Variants in RC3H2 observed in about 807,000 individuals in gnomAD.
RC3H2 encodes the protein ring finger and CCCH-type domains 2.
In RC3H2, 31 loss-of-function variants were observed where a neutral mutation model predicts 133.3. The ratio of observed to expected loss-of-function variants is 0.23; its 90% CI spans 0.17 to 0.31. The LOEUF (loss-of-function observed/expected upper bound fraction) is 0.31, where lower values mean the gene tolerates loss of function less well. Ranked by LOEUF, RC3H2 falls within the 10% of genes least tolerant of loss-of-function variation. The probability of loss-of-function intolerance (pLI) is 1.00; values close to 1 mark genes in which losing one functional copy is unlikely to be tolerated. For missense variants in RC3H2, 1,175 were observed against 1,437.2 expected, an observed-to-expected ratio of 0.82 and a Z score of 2.95; for synonymous variants, 517 against 502.2, an observed-to-expected ratio of 1.03 and a Z score of -0.40.
At chr9:122,889,604 AC>A (rs2131484001) in intron 4 of RC3H2, among the ~76,000 whole-genome samples, 1 of 152,330 alleles carries the variant, frequency 6.6e-6, no homozygotes, top group Non-Finnish European at 1.5e-5. Context: ...AACATAGATA[AC>A]ACTAATCATA....
intron 9 of RC3H2, among the ~76,000 whole-genome samples, chr9:122,867,505 G>A (rs1328852313): frequency 7.2e-6 from 1 of 138,596 alleles, no homozygotes; most frequent in Admixed American, 7.0e-5. Context: ...GGGATGTGAG[G>A]GGCGCCTCTG....
At chr9:122,869,812 C>T (rs1343901855) in intron 9 of RC3H2, among the ~76,000 whole-genome samples, 1 of 151,950 alleles carries the variant, frequency 6.6e-6, no homozygotes, top group East Asian at 1.9e-4. Flanking sequence ...TCAAGTGATC[C>T]GCCTGCCTTG....
In RC3H2 at chr9:122,870,056, G is replaced by A. The variant is rs114586646; in HGVS notation, c.1326-4399C>T. ...CCTCAGAGTTCCTATACAGAATATC[G>A]TGTCTCCTTGCTTTCCATCCTCAAA... On this transcript the variant is annotated intron_variant, in intron 9 of 20. Transcript: ENST00000357244. 9.0e-3 allele frequency among the ~76,000 whole-genome samples: 1,373 copies of A among 152,004 alleles called. 23 individuals carry two copies. The highest frequency in any genetic ancestry group is 0.032 in the African/African-American group (1,311 of 41,416).
intron 9 of RC3H2, chr9:122,875,224 G>C (rs1831281274): frequency 1.3e-6 from 2 of 1,551,172 alleles, no homozygotes; most frequent in Non-Finnish European, 1.7e-6. Context: ...GAGAAGAGAA[G>C]CATGTTTCTG....
chr9:122,853,239 CGCTGCGG>C (rs1374260140), intron 18 of RC3H2, among the ~76,000 whole-genome samples: 1 of 151,468 alleles, frequency 6.6e-6, no homozygotes, highest in East Asian at 1.9e-4. Context: ...GGGACACAAA[CGCTGCGG>C]AAGGCCGCAG....
chr9:122,850,186 G>A (rs1212189760), intron 20 of RC3H2, among the ~76,000 whole-genome samples: 1 of 152,048 alleles, frequency 6.6e-6, no homozygotes. Flanking sequence ...TGTTGGCCAG[G>A]CTGGTCTAGA....
chr9:122,897,265 T>A lies in RC3H2; in HGVS notation c.231+14A>T, dbSNP rs771987822. 1 of 1,613,056 alleles carries A rather than the reference T, an allele frequency of 6.2e-7. No individual in the cohort carries two copies. The highest frequency in any genetic ancestry group is 1.1e-5 in the South Asian group (1 of 91,006). The stretch of plus-strand genomic sequence containing the variant: ...ATTTTTGCACCAACCTATAGTAAAA[T>A]CTTGAATGCTTACCTGGGCTCCAAC... On this transcript the variant is annotated intron_variant, in intron 2 of 20. Coordinates refer to ENST00000357244, the MANE Select transcript of RC3H2 (RefSeq NM_001100588.3).
intron 9 of RC3H2, among the ~76,000 whole-genome samples, chr9:122,867,160 C>T (rs1378357273): frequency 3.1e-5 from 4 of 128,104 alleles, no homozygotes; most frequent in Non-Finnish European, 5.1e-5. Flanking sequence ...GGAGCCCCTC[C>T]GCCCGGCAGC....
rs749412338 is a variant in RC3H2, at chr9:122,854,217, T to C, written c.2950A>G (p.Thr984Ala). ...AGTTCAAGGCTCAAAAGGTCCCCAG[T>C]ACTGGAATGCTTTCTATGACCAGAT... ...DLSGHRKHSS[T>A]GDLLSLELQQ... Residue 984 changes from threonine to alanine, a missense_variant, in exon 17 of 21, where the codon ACT becomes GCT. Physicochemically the swap from Thr to Ala is moderately conservative, Grantham distance 58. Coordinates refer to ENST00000357244, the MANE Select transcript of RC3H2 (RefSeq NM_001100588.3). The C allele has an allele frequency of 5.0e-6, 8 of 1,613,968 alleles. No individual in the cohort carries two copies. In the Admixed American group the frequency reaches 5.0e-5, roughly 10 times the overall value.
intron 5 of RC3H2, 104 bp downstream of exon 5, chr9:122,883,100 G>T: frequency 9.4e-7 from 1 of 1,063,210 alleles, no homozygotes; most frequent in Non-Finnish European, 1.4e-6. Context: ...CTCAACTCTT[G>T]TAAGCATTCT....
In RC3H2 at chr9:122,853,007, A is replaced by G. The variant is rs561929413; in HGVS notation, c.3117+945T>C. ...CGTGTCTGTGTAGAAAGAAGTAGAC[A>G]TGGGAGACTTTTCATTTTGTTCTGT... On this transcript the variant is annotated intron_variant, in intron 18 of 20. Transcript: ENST00000357244. Among the ~76,000 whole-genome samples the G allele has an allele frequency of 2.2e-3, 342 of 152,290 alleles. 1 individual carries two copies. Among genetic ancestry groups the G allele is most frequent in the African/African-American group, 7.7e-3 (322 of 41,564 alleles).
chr9:122,868,580 A>G (rs1830862630), intron 9 of RC3H2, among the ~76,000 whole-genome samples: 2 of 151,674 alleles, frequency 1.3e-5, no homozygotes, highest in South Asian at 2.1e-4. Flanking sequence ...CCCTAATCTC[A>G]AGTACCCAGG....
rs1332275265 is a variant in RC3H2, at chr9:122,859,037, A to C, written c.1915T>G (p.Ser639Ala). 6.2e-7 allele frequency: 1 copy of C among 1,611,596 alleles called. No individual in the cohort carries two copies. The highest frequency in any genetic ancestry group is 8.5e-7 in the Non-Finnish European group (1 of 1,178,178). The change falls in exon 12 of 21, where the codon TCC (serine) becomes GCC (alanine). Residue 639 changes from serine to alanine, a missense_variant. Transcript: ENST00000357244. ...AGGGAGGACTCTGGAACGTTATTGG[A>C]CCTCACAAAGCGAGGAACACAGGGA... The part of the protein sequence containing the change: ...VAPCVPRFVR[S>A]NNVPESSLPP...
At chr9:122,894,678 G>A (rs1475482585) in intron 2 of RC3H2, among the ~76,000 whole-genome samples, 2 of 152,104 alleles carry the variant, frequency 1.3e-5, no homozygotes, top group African/African-American at 2.4e-5. Flanking sequence ...TCAGGAGTTC[G>A]AGACCAGCCT....
intron 4 of RC3H2, among the ~76,000 whole-genome samples, chr9:122,888,592 C>T (rs1288417459): frequency 6.6e-6 from 1 of 152,138 alleles, no homozygotes; most frequent in Admixed American, 6.5e-5. Context: ...TTATTCTGGA[C>T]CTTGCTTTTA....
Position 122,845,558 on chromosome 9 carries a change from T to C in RC3H2, c.*4069A>G, listed in dbSNP as rs1829851359. The C allele has an allele frequency of 6.6e-6, 1 of 152,102 alleles. No individual in the cohort carries two copies. The highest frequency in any genetic ancestry group is 2.4e-5 in the African/African-American group (1 of 41,436). 9.4% of individuals were successfully genotyped at this position (152,102 alleles called of 1,614,324 possible). A position where few individuals can be genotyped will look rare whatever the true frequency, so the allele number is the denominator to read the frequency against. On this transcript the variant is annotated 3_prime_UTR_variant, in exon 21 of 21. Coordinates refer to ENST00000357244, the MANE Select transcript of RC3H2 (RefSeq NM_001100588.3). ...AATTTTATTAAAAAAAAGAAAAAAC[T>C]GCCAATTTTAGACTAGAAGGGAATA...
chr9:122,859,773 G>A (rs781279302), intron 11 of RC3H2, 144 bp downstream of exon 11: 43 of 687,328 alleles, frequency 6.3e-5, no homozygotes, highest in Non-Finnish European at 9.7e-5. Context: ...TAGAAGCACA[G>A]ATCCTTGGGG....
At position 122,854,507 on chromosome 9, in the gene RC3H2, A is replaced by G. The variant is rs1564283814; in HGVS notation, c.2900+24T>C. ...CATACAAGTCTGAGAATGGAGAATC[A>G]TATAGAATTAAGAAGAACGTTACCT... On this transcript the variant is annotated intron_variant, in intron 16 of 20. Coordinates refer to ENST00000357244, the MANE Select transcript of RC3H2 (RefSeq NM_001100588.3). 5 of 1,557,450 alleles carry G rather than the reference A, an allele frequency of 3.2e-6. No homozygotes were observed. In the Admixed American group the frequency reaches 6.7e-5, roughly 21 times the overall value.
intron 9 of RC3H2, among the ~76,000 whole-genome samples, chr9:122,873,033 TAATA>T (rs1041845449): frequency 1.3e-5 from 2 of 152,224 alleles, no homozygotes; most frequent in African/African-American, 2.4e-5. Context: ...TGTTTACATA[TAATA>T]AATATGTATT....
Sources: gnomAD v4.1 joint callset for allele counts (sites outside exome capture counted in the v4.1 genomes callset) on GRCh38, gnomAD v4.1.1 for gene constraint, MANE v1.5 for transcripts, NCBI Gene and HGNC (gene_info 2026-07-23, HGNC 2026-07-21) for gene names.